CHODL: variants seen among roughly 807,000 people sequenced by gnomAD.
The protein encoded by CHODL is chondrolectin.
In CHODL, 29 loss-of-function variants were observed where a neutral mutation model predicts 34.5. The ratio of observed to expected loss-of-function variants is 0.84; its 90% CI spans 0.63 to 1.15. The LOEUF (loss-of-function observed/expected upper bound fraction) is 1.15, where lower values mean the gene tolerates loss of function less well. Ranked by LOEUF, CHODL falls within the 50% of genes most tolerant of loss-of-function variation. The pLI, the probability that CHODL is intolerant of heterozygous loss-of-function variation, is 0.00. For missense variants in CHODL, 332 were observed against 332.5 expected (o/e 1.00, Z 0.01); for synonymous variants, 125 against 116.1 (o/e 1.08, Z -0.49).
At chr21:18,012,478 A>G (rs1416652263) in intron 1 of CHODL, among the ~76,000 whole-genome samples, 1 of 152,228 alleles carries the variant, frequency 6.6e-6, no homozygotes, top group Non-Finnish European at 1.5e-5. Flanking sequence ...AAGCACTCCA[A>G]ATTGCTACTA....
intron 2 of CHODL, among the ~76,000 whole-genome samples, chr21:18,162,270 G>A (rs1054993479): frequency 6.6e-6 from 1 of 152,076 alleles, no homozygotes; most frequent in Non-Finnish European, 1.5e-5. Flanking sequence ...GGTGTTAGCA[G>A]AGACAGTTCC....
intron 3 of CHODL, 34 bp from the exon 4 acceptor site, chr21:18,260,166 C>A: frequency 1.0e-6 from 1 of 956,564 alleles, no homozygotes; most frequent in South Asian, 2.5e-5. Context: ...CTTGTTTAAT[C>A]ATTATATATG....
In CHODL at chr21:18,006,369, GA is replaced by G. The variant is rs921798165; in HGVS notation, c.-144-21494del. Among the ~76,000 whole-genome samples, 335 of 148,264 alleles carry G rather than the reference GA, an allele frequency of 2.3e-3. 3 individuals carry two copies. Among genetic ancestry groups the G allele is most frequent in the African/African-American group, 7.8e-3 (314 of 40,212 alleles). On this transcript the variant is annotated intron_variant, in intron 1 of 6. Transcript: ENST00000400127. The stretch of plus-strand genomic sequence containing the variant: ...CTTAAAATAAAAGAAAAAAAAAAAA[GA>G]AAAAAAAATGTAGCTCCTTTCCTGA...
intron 2 of CHODL, among the ~76,000 whole-genome samples, chr21:18,179,083 C>T (rs2073350610): frequency 6.6e-6 from 1 of 152,124 alleles, no homozygotes; most frequent in South Asian, 2.1e-4. Context: ...AGCACATAAA[C>T]TTATCCTTGA....
At chr21:18,169,597 A>G (rs1427876287) in intron 2 of CHODL, among the ~76,000 whole-genome samples, 1 of 151,906 alleles carries the variant, frequency 6.6e-6, no homozygotes, top group South Asian at 2.1e-4. Context: ...TTGTTTTTCT[A>G]TTCTTCATTT....
At chr21:17,972,640 A>C (rs2063624701) in intron 1 of CHODL, among the ~76,000 whole-genome samples, 1 of 152,244 alleles carries the variant, frequency 6.6e-6, no homozygotes, top group African/African-American at 2.4e-5. Flanking sequence ...AGGAAATAAC[A>C]GAGGTCACAA....
intron 2 of CHODL, among the ~76,000 whole-genome samples, chr21:18,092,498 A>G (rs558667299): frequency 6.6e-6 from 1 of 152,350 alleles, no homozygotes; most frequent in East Asian, 1.9e-4. Context: ...GGCACCAGGG[A>G]CTAATTCTGG....
At chr21:18,204,900 G>T (rs59735479) in intron 2 of CHODL, among the ~76,000 whole-genome samples, 11,500 of 151,944 alleles carry the variant, frequency 0.076, 568 homozygotes, top group African/African-American at 0.14. Flanking sequence ...TATTTTTCTG[G>T]GATCATAACG....
intron 2 of CHODL, among the ~76,000 whole-genome samples, chr21:18,216,412 CA>C (rs2073828633): frequency 6.6e-6 from 1 of 152,010 alleles, no homozygotes; most frequent in South Asian, 2.1e-4. Flanking sequence ...TACCCATTAA[CA>C]AGCCTCTCTT....
intron 1 of CHODL, among the ~76,000 whole-genome samples, chr21:17,940,531 A>G (rs1483301373): frequency 3.3e-5 from 5 of 152,250 alleles, no homozygotes; most frequent in Admixed American, 3.3e-4. Flanking sequence ...TTTATGGAAG[A>G]AAGGCTTATA....
chr21:18,008,597 CA>C (rs1437356533), intron 1 of CHODL, among the ~76,000 whole-genome samples: 1 of 152,096 alleles, frequency 6.6e-6, no homozygotes. Flanking sequence ...TGGAATCCTG[CA>C]GTATTTGTCC....
intron 1 of CHODL, among the ~76,000 whole-genome samples, chr21:17,980,217 C>T (rs2063703296): frequency 6.6e-6 from 1 of 151,944 alleles, no homozygotes; most frequent in South Asian, 2.1e-4. Context: ...TCTCCCTAAG[C>T]ATGTCCTCAG....
chr21:17,966,841 A>G (rs1181224539), intron 1 of CHODL, among the ~76,000 whole-genome samples: 6 of 151,700 alleles, frequency 4.0e-5, no homozygotes, highest in African/African-American at 1.5e-4. Flanking sequence ...TGATACAGAA[A>G]GCCTCAATGA....
intron 3 of CHODL, 79 bp downstream of exon 3, chr21:18,257,206 C>A: frequency 7.6e-7 from 1 of 1,320,674 alleles, no homozygotes. Flanking sequence ...TTTTGACTAC[C>A]TGTGGCTCTT....
At chr21:18,071,066 T>C (rs1389004349) in intron 2 of CHODL, among the ~76,000 whole-genome samples, 1 of 151,904 alleles carries the variant, frequency 6.6e-6, no homozygotes, top group African/African-American at 2.4e-5. Context: ...ATTTTTTCAA[T>C]TTTTACTCCT....
chr21:18,127,672 GTTTTT>G (rs71318127), intron 2 of CHODL, among the ~76,000 whole-genome samples: 6,532 of 69,862 alleles, frequency 0.093, 108 homozygotes, highest in Middle Eastern at 0.2. Flanking sequence ...CGTTGCCATT[GTTTTT>G]TTTTTTTTTT....
rs1483935429 is a variant in CHODL, at chr21:18,266,768, T to G, written c.*730T>G. ...CAAGACATGTGCCTTATAATTATTT[T>G]TAGCTTAAAATTAAACAGATTTTGT... is the stretch of plus-strand genomic sequence containing the variant. On this transcript the variant is annotated 3_prime_UTR_variant, in exon 6 of 6. Transcript: ENST00000299295. The G allele has an allele frequency of 1.3e-5, 2 of 152,748 alleles. No homozygotes were observed. The highest frequency in any genetic ancestry group is 2.9e-5 in the Non-Finnish European group (2 of 68,116). 9.5% of individuals were successfully genotyped at this position (152,748 alleles called of 1,614,324 possible). A position where few individuals can be genotyped will look rare whatever the true frequency, so the allele number is the denominator to read the frequency against.
At chr21:18,077,844 A>G (rs1160649025) in intron 2 of CHODL, among the ~76,000 whole-genome samples, 1 of 152,194 alleles carries the variant, frequency 6.6e-6, no homozygotes, top group African/African-American at 2.4e-5. Flanking sequence ...TGAATGGACT[A>G]TTGGAATAAG....
chr21:18,191,074 T>C (rs2073505290), intron 2 of CHODL, among the ~76,000 whole-genome samples: 1 of 152,144 alleles, frequency 6.6e-6, no homozygotes, highest in Non-Finnish European at 1.5e-5. Flanking sequence ...TAAAAACTCT[T>C]AGAGATAAAA....
Sources: gnomAD v4.1 joint callset for allele counts (sites outside exome capture counted in the v4.1 genomes callset) on GRCh38, gnomAD v4.1.1 for gene constraint, MANE v1.5 for transcripts, NCBI Gene and HGNC (gene_info 2026-07-23, HGNC 2026-07-21) for gene names.